The following JAKMIP3 variants were observed in gnomAD, a reference collection of about 807,000 sequenced individuals.
JAKMIP3 encodes janus kinase and microtubule-interacting protein 3.
A neutral mutation model predicts 118.5 loss-of-function variants in JAKMIP3; 58 were observed. That is an observed-to-expected ratio of 0.49 (90% CI 0.40 to 0.61). JAKMIP3 has a LOEUF of 0.61. Ranked by LOEUF, JAKMIP3 falls within the 20% of genes least tolerant of loss-of-function variation. JAKMIP3 has a pLI of 0.00. For synonymous variants in JAKMIP3, 486 were observed against 451.2 expected (o/e 1.08, Z -0.98); for missense variants, 950 against 1,109.0 (o/e 0.86, Z 2.04).
In JAKMIP3 at chr10:132,162,224, G is replaced by T. The variant is rs1169153475; in HGVS notation, c.2221-985G>T. Among the ~76,000 whole-genome samples, 4 of 152,340 alleles carry T rather than the reference G, an allele frequency of 2.6e-5. No homozygotes were observed. The East Asian group carries it at 7.7e-4, about 29-fold the overall frequency. ...GGGCTAGTGCCGACTTTGCCTCTCT[G>T]GACATGGGTGTGGGAGACCGTGGTC... On this transcript the variant is annotated intron_variant, in intron 19 of 23. Coordinates refer to ENST00000684848, the MANE Select transcript of JAKMIP3 (RefSeq NM_001323087.2).
chr10:132,135,498 C>T (rs911389915), intron 5 of JAKMIP3, among the ~76,000 whole-genome samples: 3 of 152,172 alleles, frequency 2.0e-5, no homozygotes, highest in Non-Finnish European at 2.9e-5. Flanking sequence ...CCAGGTAACT[C>T]GATATCCCGG....
chr10:132,156,799 T>C (rs979285188), intron 19 of JAKMIP3, among the ~76,000 whole-genome samples: 24 of 152,204 alleles, frequency 1.6e-4, no homozygotes, highest in African/African-American at 5.3e-4. Flanking sequence ...CTAAGGATTA[T>C]GCGGAGGTTT....
At chr10:132,151,269 T>C (rs1054770766) in intron 16 of JAKMIP3, among the ~76,000 whole-genome samples, 5 of 152,136 alleles carry the variant, frequency 3.3e-5, no homozygotes. Flanking sequence ...CTTCATCCTT[T>C]ATCCTTCCAC....
At chr10:132,161,890 T>TG (rs369935731) in intron 19 of JAKMIP3, among the ~76,000 whole-genome samples, 6 of 116,952 alleles carry the variant, frequency 5.1e-5, no homozygotes, top group Admixed American at 8.1e-5. Context: ...TGTGTGATAT[T>TG]GGGGGGGCCA....
rs2038814116 is a variant in JAKMIP3 at position 132,066,544 on chromosome 10, C to G, written c.-138+483C>G. The stretch of plus-strand genomic sequence containing the variant: ...TGGGGTAACCGGCTGGACTTTTTTG[C>G]TGCTTGTTTTCCTTTTGAAGAATAG... On this transcript the variant is annotated intron_variant, in intron 1 of 23. Coordinates refer to ENST00000684848, the MANE Select transcript of JAKMIP3 (RefSeq NM_001323087.2). 2.0e-5 allele frequency among the ~76,000 whole-genome samples: 3 copies of G among 152,300 alleles called. No homozygotes were observed. The South Asian group carries it at 6.2e-4, about 32-fold the overall frequency.
At chr10:132,180,564 T>TGCGC (rs1164745708) in intron 23 of JAKMIP3, among the ~76,000 whole-genome samples, 2 of 50,770 alleles carry the variant, frequency 3.9e-5, no homozygotes, top group African/African-American at 1.2e-4. Context: ...CATGCGTGTG[T>TGCGC]GTGCGTGTGT....
chr10:132,068,064 CGTGTGG>C lies in JAKMIP3; in HGVS notation c.-138+2004_-138+2009del, dbSNP rs1564861656. 1.5e-4 allele frequency among the ~76,000 whole-genome samples: 20 copies of C among 135,810 alleles called. No individual in the cohort carries two copies. The East Asian group carries it at 3.7e-3, about 25-fold the overall frequency. 89.1% of individuals were successfully genotyped at this position (135,810 alleles called of 152,430 possible). On this transcript the variant is annotated intron_variant, in intron 1 of 23. Coordinates refer to ENST00000684848, the MANE Select transcript of JAKMIP3 (RefSeq NM_001323087.2). ...GGCTTCCGTGTGGACTGTGGGCTTC[CGTGTGG>C]ACTGTGGGTTTCTGTGTGGACTGTG...
chr10:132,151,126 T>A (rs1475044197), intron 16 of JAKMIP3, among the ~76,000 whole-genome samples: 1 of 152,082 alleles, frequency 6.6e-6, no homozygotes, highest in African/African-American at 2.4e-5. Flanking sequence ...CCATCCATCC[T>A]TCCTTCATCC....
intron 16 of JAKMIP3, among the ~76,000 whole-genome samples, chr10:132,150,613 T>C (rs1171302282): frequency 1.3e-5 from 2 of 152,162 alleles, no homozygotes; most frequent in Admixed American, 1.3e-4. Flanking sequence ...CTTATATCCA[T>C]CCATCTATCT....
chr10:132,124,187 C>T (rs923635675), intron 3 of JAKMIP3, among the ~76,000 whole-genome samples: 19 of 152,244 alleles, frequency 1.2e-4, no homozygotes, highest in African/African-American at 4.6e-4. Flanking sequence ...CAGGATTGCC[C>T]CTCCCGGCAG....
At chr10:132,040,676 G>C (rs1342551221) in intron 1 of JAKMIP3, among the ~76,000 whole-genome samples, 3 of 148,408 alleles carry the variant, frequency 2.0e-5, no homozygotes, top group Non-Finnish European at 4.4e-5. Flanking sequence ...TTTTATCGTG[G>C]TAGATAAGAA....
chr10:132,162,941 T>G (rs2058509080), intron 19 of JAKMIP3, among the ~76,000 whole-genome samples: 2 of 152,164 alleles, frequency 1.3e-5, no homozygotes, highest in Non-Finnish European at 2.9e-5. Context: ...CTTCCCCACT[T>G]CATAGCTCAG....
At chr10:132,061,847 A>G (rs1268999036), upstream of JAKMIP3, among the ~76,000 whole-genome samples, 1 of 152,246 alleles carries the variant, frequency 6.6e-6, no homozygotes, top group African/African-American at 2.4e-5. Context: ...ACATGTGGGT[A>G]AAATGGTTCA....
At chr10:132,142,509 G>GGCCCCTCTCCCCCGGCCCCTCTCCCCCA (rs2053734461) in intron 11 of JAKMIP3, among the ~76,000 whole-genome samples, 1 of 151,746 alleles carries the variant, frequency 6.6e-6, no homozygotes, top group African/African-American at 2.4e-5. Flanking sequence ...CCTCTCCCCC[G>GGCCCCTCTCCCCCGGCCCCTCTCCCCCA]GCCTCCCCAC....
In JAKMIP3 at chr10:132,168,062, C is replaced by T. The variant is rs1233025733; in HGVS notation, c.*132C>T. On this transcript the variant is annotated 3_prime_UTR_variant, in exon 23 of 24. Coordinates refer to ENST00000684848, the MANE Select transcript of JAKMIP3 (RefSeq NM_001323087.2). Reference sequence around the variant, plus strand: ...CAGGGAGATTTGGTCTCTGCACGCCCGTCCCGTGGAGGAAGAGTGAGAAGG... The same window carrying T: ...CAGGGAGATTTGGTCTCTGCACGCCTGTCCCGTGGAGGAAGAGTGAGAAGG... The T allele has an allele frequency of 2.6e-5, 34 of 1,289,436 alleles. No individual in the cohort carries two copies. The highest frequency in any genetic ancestry group is 3.7e-5 in the South Asian group (3 of 81,030). The allele number at this position is 1,289,436 out of a possible 1,614,324, so 79.9% of individuals were successfully genotyped here.
chr10:132,168,320 C>G lies in JAKMIP3; in HGVS notation c.*390C>G, dbSNP rs1473316094. 7.8e-7 allele frequency: 1 copy of G among 1,289,560 alleles called. No individual in the cohort carries two copies. The highest frequency in any genetic ancestry group is 1.0e-6 in the Non-Finnish European group (1 of 988,820). 79.9% of individuals were successfully genotyped at this position (1,289,560 alleles called of 1,614,324 possible). A position where few individuals can be genotyped will look rare whatever the true frequency, so the allele number is the denominator to read the frequency against. The stretch of plus-strand genomic sequence containing the variant: ...AAGCACCAGCCGCGGGTCCCCTCCT[C>G]TCTCTTGGTTCTCACAGTAGCTGCC... On this transcript the variant is annotated 3_prime_UTR_variant, in exon 23 of 24. Transcript: ENST00000684848.
chr10:132,081,669 G>C (rs898920374), intron 1 of JAKMIP3, among the ~76,000 whole-genome samples: 1 of 152,130 alleles, frequency 6.6e-6, no homozygotes, highest in East Asian at 1.9e-4. Flanking sequence ...TTGTCCTCCT[G>C]TTCTTTTATG....
chr10:132,168,492 CG>C lies in JAKMIP3; in HGVS notation c.*563del. 1.1e-6 allele frequency: 1 copy of C among 877,760 alleles called. No homozygotes were observed. Among genetic ancestry groups the C allele is most frequent in the Non-Finnish European group, 1.6e-6 (1 of 642,436 alleles). The allele number at this position is 877,760 out of a possible 1,614,324, so 54.4% of individuals were successfully genotyped here. On this transcript the variant is annotated 3_prime_UTR_variant, in exon 23 of 24. Transcript: ENST00000684848. ...CTCCCCGACGCCTCAGGGGCCCCTC[CG>C]ATGCTGCAATATGTTGCTGGGGTCC...
At chr10:132,152,126 G>T (rs1012387325) in intron 16 of JAKMIP3, among the ~76,000 whole-genome samples, 1 of 152,254 alleles carries the variant, frequency 6.6e-6, no homozygotes, top group South Asian at 2.1e-4. Context: ...CATGCAGGAT[G>T]AGGTTCTTGC....
Sources: gnomAD v4.1 joint callset for allele counts (sites outside exome capture counted in the v4.1 genomes callset) on GRCh38, gnomAD v4.1.1 for gene constraint, MANE v1.5 for transcripts, NCBI Gene and HGNC (gene_info 2026-07-23, HGNC 2026-07-21) for gene names.